The following ARHGAP10 variants were observed in gnomAD, a reference collection of about 807,000 sequenced individuals.
The protein encoded by ARHGAP10 is rho GTPase-activating protein 10.
Under a neutral mutation model 108.6 loss-of-function variants are expected in ARHGAP10, and 87 were observed. The observed-to-expected ratio is 0.80, with a 90% CI of 0.67 to 0.96. The LOEUF is 0.96. Ranked by LOEUF, ARHGAP10 falls within the 40% of genes least tolerant of loss-of-function variation. The pLI, the probability that ARHGAP10 is intolerant of heterozygous loss-of-function variation, is 0.00. For missense variants in ARHGAP10, 939 were observed against 954.5 expected (o/e 0.98, Z 0.21); for synonymous variants, 347 against 341.1 (o/e 1.02, Z -0.19).
chr4:147,993,533 T>C (rs552339405), intron 18 of ARHGAP10, among the ~76,000 whole-genome samples: 1 of 152,348 alleles, frequency 6.6e-6, no homozygotes, highest in Admixed American at 6.5e-5. Context: ...AAGCATGTCA[T>C]GCTTTCTAGA....
intron 1 of ARHGAP10, among the ~76,000 whole-genome samples, chr4:147,735,149 T>C (rs1728367472): frequency 6.6e-6 from 1 of 152,196 alleles, no homozygotes; most frequent in African/African-American, 2.4e-5. Flanking sequence ...TTAGCACCTA[T>C]AATTTGCTAA....
chr4:147,812,909 C>T (rs1732088145), intron 1 of ARHGAP10, among the ~76,000 whole-genome samples: 1 of 152,130 alleles, frequency 6.6e-6, no homozygotes, highest in African/African-American at 2.4e-5. Context: ...ATGCAGAGTA[C>T]TCACTTGGAG....
At chr4:147,858,318 A>T (rs919739774) in intron 5 of ARHGAP10, 35 of 148,034 alleles carry the variant, frequency 2.4e-4, no homozygotes, top group Admixed American at 9.7e-4. Context: ...CATTGTTAGG[A>T]TTTAGTCTCA....
At chr4:147,767,143 G>A (rs927446916) in intron 1 of ARHGAP10, among the ~76,000 whole-genome samples, 8 of 151,936 alleles carry the variant, frequency 5.3e-5, no homozygotes, top group South Asian at 2.1e-4. Flanking sequence ...GAGCCACCGC[G>A]CCCAGTCTAC....
At chr4:147,832,353 T>TG (rs996440903) in intron 3 of ARHGAP10, among the ~76,000 whole-genome samples, 1 of 151,650 alleles carries the variant, frequency 6.6e-6, no homozygotes, top group Non-Finnish European at 1.5e-5. Context: ...TTTTTTTTTT[T>TG]TTTAAAAAGA....
chr4:147,805,143 T>G (rs751220115), intron 1 of ARHGAP10, among the ~76,000 whole-genome samples: 2 of 152,206 alleles, frequency 1.3e-5, no homozygotes, highest in African/African-American at 4.8e-5. Context: ...CTTGAGTTAA[T>G]TTTTGTATAT....
chr4:147,952,196 G>C (rs1259971140), intron 15 of ARHGAP10, among the ~76,000 whole-genome samples: 1 of 152,166 alleles, frequency 6.6e-6, no homozygotes, highest in Non-Finnish European at 1.5e-5. Flanking sequence ...ACTTTCGGCT[G>C]TTGCACATAA....
intron 10 of ARHGAP10, among the ~76,000 whole-genome samples, chr4:147,894,524 T>G (rs931637052): frequency 6.6e-6 from 1 of 152,228 alleles, no homozygotes; most frequent in Non-Finnish European, 1.5e-5. Flanking sequence ...TTCAGTGTCT[T>G]TTGATGAGAA....
chr4:147,811,336 G>C (rs1732009595), intron 1 of ARHGAP10, among the ~76,000 whole-genome samples: 1 of 152,168 alleles, frequency 6.6e-6, no homozygotes. Flanking sequence ...TGTAGAACAT[G>C]TGTGAACCCA....
intron 3 of ARHGAP10, among the ~76,000 whole-genome samples, chr4:147,841,623 C>T (rs928940235): frequency 2.0e-5 from 3 of 152,068 alleles, no homozygotes; most frequent in Non-Finnish European, 2.9e-5. Flanking sequence ...TGAGAGATTC[C>T]GTGGAGCTTC....
chr4:147,980,956 T>C (rs899139049), intron 18 of ARHGAP10, among the ~76,000 whole-genome samples: 2 of 152,196 alleles, frequency 1.3e-5, no homozygotes, highest in African/African-American at 4.8e-5. Flanking sequence ...TTAATCCAGC[T>C]AGCAATCCTA....
intron 1 of ARHGAP10, among the ~76,000 whole-genome samples, chr4:147,764,137 G>A (rs138199589): frequency 2.0e-5 from 3 of 152,294 alleles, no homozygotes; most frequent in Non-Finnish European, 2.9e-5. Context: ...AAGGTAGGAC[G>A]TGAGCAAGTT....
Position 147,918,133 on chromosome 4 carries a change from A to AT in ARHGAP10, c.1228+5014dup, listed in dbSNP as rs760617123. ...AAAAATAATTTAAACTCTCATTAAG[A>AT]TTTTTTTTTTTTTTTTTTTTGAGAC... On this transcript the variant is annotated intron_variant, in intron 13 of 22. Transcript: ENST00000336498. Among the ~76,000 whole-genome samples, 1,170 of 129,978 alleles carry AT rather than the reference A, an allele frequency of 9.0e-3. 12 individuals are homozygous for AT. The highest frequency in any genetic ancestry group is 0.034 in the Middle Eastern group (8 of 238). 85.3% of individuals were successfully genotyped at this position (129,978 alleles called of 152,430 possible).
At position 148,047,060 on chromosome 4, in the gene ARHGAP10, C is replaced by T. The variant is rs879498349; in HGVS notation, c.2027+9C>T. On this transcript the variant is annotated intron_variant, in intron 20 of 22. Coordinates refer to ENST00000336498, the MANE Select transcript of ARHGAP10 (RefSeq NM_024605.4). ...GACTGGGCATCCACTATGTAAGTAA[C>T]CGTGCTTCTGTTGGGTGCTGAAGGG... 4.3e-6 allele frequency: 7 copies of T among 1,613,730 alleles called. No individual in the cohort carries two copies. The highest frequency in any genetic ancestry group is 5.9e-6 in the Non-Finnish European group (7 of 1,179,822).
At chr4:147,893,120 G>A (rs1735852768) in intron 10 of ARHGAP10, among the ~76,000 whole-genome samples, 1 of 152,124 alleles carries the variant, frequency 6.6e-6, no homozygotes, top group Non-Finnish European at 1.5e-5. Context: ...GCGCAGTGGC[G>A]TGATCTTGGC....
chr4:147,918,787 A>G (rs1737101806), intron 13 of ARHGAP10, among the ~76,000 whole-genome samples: 1 of 152,236 alleles, frequency 6.6e-6, no homozygotes, highest in East Asian at 1.9e-4. Flanking sequence ...TGTCTCTCAC[A>G]TGGGTACTGA....
intron 19 of ARHGAP10, among the ~76,000 whole-genome samples, chr4:148,033,650 G>A (rs191362848): frequency 6.6e-6 from 1 of 152,274 alleles, no homozygotes; most frequent in African/African-American, 2.4e-5. Context: ...GTTTACAAAT[G>A]TTTCAGCTTA....
intron 18 of ARHGAP10, among the ~76,000 whole-genome samples, chr4:147,986,472 A>G (rs147976084): frequency 6.6e-6 from 1 of 152,316 alleles, no homozygotes; most frequent in Non-Finnish European, 1.5e-5. Context: ...CGAGAAAATC[A>G]AGGGGTTAAC....
At chr4:148,030,288 C>T (rs950336287) in intron 19 of ARHGAP10, among the ~76,000 whole-genome samples, 2 of 152,150 alleles carry the variant, frequency 1.3e-5, no homozygotes, top group Non-Finnish European at 1.5e-5. Flanking sequence ...ATTTTAATTT[C>T]TAGTTCTGAA....
Sources: allele counts gnomAD v4.1 joint callset (sites outside exome capture counted in the v4.1 genomes callset), GRCh38; gene constraint gnomAD v4.1.1; transcripts MANE v1.5; gene names NCBI Gene and HGNC (gene_info 2026-07-23, HGNC 2026-07-21).